ANK2: variants seen among roughly 807,000 people sequenced by gnomAD.
ANK2 encodes ankyrin 2, also known as ankyrin-2.
Under a neutral mutation model 360.5 loss-of-function variants are expected in ANK2, and 83 were observed. The ratio of observed to expected loss-of-function variants is 0.23; its 90% CI spans 0.19 to 0.28. The LOEUF (loss-of-function observed/expected upper bound fraction) is 0.28, where lower values mean the gene tolerates loss of function less well. Ranked by LOEUF, ANK2 falls within the 10% of genes least tolerant of loss-of-function variation. ANK2 has a pLI of 1.00. For missense variants in ANK2, 4,201 were observed against 4,795.7 expected (o/e 0.88, Z 3.66); for synonymous variants, 1,740 against 1,759.5 (o/e 0.99, Z 0.28).
intron 1 of ANK2, chr4:113,141,479 G>A (rs1211058274): frequency 6.6e-6 from 1 of 152,144 alleles, no homozygotes; most frequent in Non-Finnish European, 1.5e-5. Flanking sequence ...AGCTGGAAGG[G>A]ATCCAACAAC....
chr4:113,145,841 C>T, intron 1 of ANK2: 1 of 1,289,078 alleles, frequency 7.8e-7, no homozygotes, highest in Non-Finnish European at 1.0e-6. Flanking sequence ...AGGACGGGCC[C>T]ACTGACAGCA....
At chr4:112,934,026 C>A (rs1226908514) in intron 2 of ANK2, among the ~76,000 whole-genome samples, 3 of 151,664 alleles carry the variant, frequency 2.0e-5, no homozygotes, top group Admixed American at 2.0e-4. Flanking sequence ...GGAGATTGAG[C>A]CTAGAGAAAG....
rs959924762 is a variant in ANK2, at chr4:113,263,307, T to A, written c.1387-1590T>A. ...TGTCCAGGGAGGAAAAATCTTGTGA[T>A]ACATCTAAAGTCTGAAGATAAATAT... On this transcript the variant is annotated intron_variant, in intron 13 of 45. Transcript: ENST00000357077. Among the ~76,000 whole-genome samples, 4 of 151,952 alleles carry A rather than the reference T, an allele frequency of 2.6e-5. No homozygotes were observed. The South Asian group carries it at 6.2e-4, about 24-fold the overall frequency.
chr4:112,826,230 T>G (rs1449889585), intron 1 of ANK2: 1 of 371,378 alleles, frequency 2.7e-6, no homozygotes, highest in Non-Finnish European at 4.9e-6. Flanking sequence ...AGTCCAGACT[T>G]TCTAAGTCTA....
At chr4:113,059,451 C>A (rs1444606813) in intron 1 of ANK2, among the ~76,000 whole-genome samples, 1 of 151,994 alleles carries the variant, frequency 6.6e-6, no homozygotes, top group South Asian at 2.1e-4. Flanking sequence ...GCTTGATCTA[C>A]CACATATTAT....
At chr4:113,344,606 T>G (rs1215455854) in intron 34 of ANK2, among the ~76,000 whole-genome samples, 1 of 152,096 alleles carries the variant, frequency 6.6e-6, no homozygotes, top group African/African-American at 2.4e-5. Context: ...CTTAGCAGCA[T>G]TAGCCATGGT....
At chr4:112,710,053 C>T in the ANK2 span, among the ~76,000 whole-genome samples, 94 of 152,264 alleles carry the variant, frequency 6.2e-4, no homozygotes, top group African/African-American at 1.7e-3. Context: ...GTGAGCCAAG[C>T]ATGGTGCTGA....
chr4:113,078,774 A>G (rs2081160662), intron 1 of ANK2, among the ~76,000 whole-genome samples: 1 of 152,204 alleles, frequency 6.6e-6, no homozygotes, highest in Admixed American at 6.5e-5. Context: ...AATATTCTGA[A>G]CAAAGTTTAA....
At chr4:112,755,803 CTTT>C in the ANK2 span, 3 of 156,174 alleles carry the variant, frequency 1.9e-5, no homozygotes, top group Non-Finnish European at 1.4e-5. Context: ...TAAATGTTTT[CTTT>C]TTTTTTTTCC....
Position 112,919,176 on chromosome 4 carries a change from G to A in ANK2, c.21+14662G>A, listed in dbSNP as rs188769666. On this transcript the variant is annotated intron_variant, in intron 2 of 30. Coordinates refer to the ANK2 transcript ENST00000503271. Reference sequence around the variant, plus strand: ...AGCTCCATATTGACAATTGGCAATAGCATCTTTTGTATTAGATGGATTTAT... The same window carrying A: ...AGCTCCATATTGACAATTGGCAATAACATCTTTTGTATTAGATGGATTTAT... 2.2e-4 allele frequency among the ~76,000 whole-genome samples: 34 copies of A among 152,208 alleles called. No homozygotes were observed. In the East Asian group the frequency reaches 6.4e-3, roughly 29 times the overall value.
intron 2 of ANK2, among the ~76,000 whole-genome samples, chr4:112,918,489 C>T (rs554826934): frequency 2.0e-5 from 3 of 152,256 alleles, no homozygotes; most frequent in East Asian, 3.9e-4. Flanking sequence ...AGCGGGGAGA[C>T]GTGGCGGAAA....
intron 2 of ANK2, among the ~76,000 whole-genome samples, chr4:112,965,280 G>T (rs1020560670): frequency 1.3e-5 from 2 of 152,006 alleles, no homozygotes; most frequent in Non-Finnish European, 2.9e-5. Context: ...TCATATGCCT[G>T]TTTGCCATTT....
At chr4:113,119,006 TAAAAACAG>T in intron 1 of ANK2, among the ~76,000 whole-genome samples, 1 of 152,220 alleles carries the variant, frequency 6.6e-6, no homozygotes, top group South Asian at 2.1e-4. Context: ...CAAACCTTGA[TAAAAACAG>T]AAAAACTGAA....
chr4:113,048,276 ATTTTTTTTTTTTTTTTT>A (rs1165941601), upstream of ANK2, among the ~76,000 whole-genome samples: 6 of 39,734 alleles, frequency 1.5e-4, 1 homozygote, highest in South Asian at 3.8e-3. Context: ...ATATATATAT[ATTTTTTTTTTTTTTTTT>A]TTTTTTTTTT....
intron 1 of ANK2, among the ~76,000 whole-genome samples, chr4:113,162,130 C>T (rs982821710): frequency 5.9e-5 from 9 of 152,144 alleles, no homozygotes; most frequent in African/African-American, 1.7e-4. Flanking sequence ...ACTTATTACA[C>T]GCAAAAGCTA....
At chr4:113,303,490 T>G (rs764058562) in intron 23 of ANK2, among the ~76,000 whole-genome samples, 2 of 152,132 alleles carry the variant, frequency 1.3e-5, no homozygotes, top group Non-Finnish European at 2.9e-5. Context: ...AAAGGAGCAG[T>G]GGGGACTGCC....
the ANK2 span, among the ~76,000 whole-genome samples, chr4:112,707,780 A>G: frequency 6.6e-6 from 1 of 152,216 alleles, no homozygotes; most frequent in Non-Finnish European, 1.5e-5. Context: ...TTATTGATCT[A>G]GCAAAAATAC....
At chr4:113,313,349 C>A (rs2081097714) in intron 24 of ANK2, among the ~76,000 whole-genome samples, 1 of 152,132 alleles carries the variant, frequency 6.6e-6, no homozygotes, top group Non-Finnish European at 1.5e-5. Flanking sequence ...TGTTTTTCTT[C>A]TTTCAAAGTA....
upstream of ANK2, among the ~76,000 whole-genome samples, chr4:112,816,374 C>T (rs2055635091): frequency 6.6e-6 from 1 of 152,042 alleles, no homozygotes; most frequent in Non-Finnish European, 1.5e-5. Context: ...CACAAGCATC[C>T]TGGTCAACTC....
Sources: gnomAD v4.1 joint callset for allele counts (sites outside exome capture counted in the v4.1 genomes callset) on GRCh38, gnomAD v4.1.1 for gene constraint, MANE v1.5 for transcripts, NCBI Gene and HGNC (gene_info 2026-07-23, HGNC 2026-07-21) for gene names.